Variants in WDR70 observed in about 807,000 individuals in gnomAD.
WDR70 encodes WD repeat-containing protein 70.
In WDR70, 53 loss-of-function variants were observed where a neutral mutation model predicts 88.6. The observed-to-expected ratio is 0.60, with a 90% CI of 0.48 to 0.75. WDR70 has a LOEUF of 0.75. Among genes scored for constraint, WDR70 ranks in the 30% least tolerant of loss-of-function variants. The pLI, the probability that WDR70 is intolerant of heterozygous loss-of-function variation, is 0.00. For synonymous variants in WDR70, 280 were observed against 270.0 expected (o/e 1.04, Z -0.36); for missense variants, 610 against 823.2 (o/e 0.74, Z 3.17).
intron 10 of WDR70, among the ~76,000 whole-genome samples, chr5:37,615,094 T>C (rs987027899): frequency 6.6e-6 from 1 of 151,990 alleles, no homozygotes; most frequent in South Asian, 2.1e-4. Flanking sequence ...CTAGGAGTAT[T>C]AAAATCTCCT....
At chr5:37,438,996 C>T (rs1750569442) in intron 6 of WDR70, among the ~76,000 whole-genome samples, 1 of 151,388 alleles carries the variant, frequency 6.6e-6, no homozygotes, top group African/African-American at 2.4e-5. Flanking sequence ...CGGCTCACTG[C>T]AAGCTCCAAC....
chr5:37,750,759 C>A (rs1286559452), intron 17 of WDR70, among the ~76,000 whole-genome samples: 3 of 152,176 alleles, frequency 2.0e-5, no homozygotes, highest in African/African-American at 7.2e-5. Context: ...TCTCATTTGC[C>A]TTACACCATG....
At chr5:37,522,428 G>A (rs866029955) in intron 9 of WDR70, among the ~76,000 whole-genome samples, 27 of 135,372 alleles carry the variant, frequency 2.0e-4, no homozygotes, top group Non-Finnish European at 3.3e-4. Context: ...CTAAGATCGC[G>A]CCACTGCATT....
At chr5:37,677,914 T>C (rs544594998) in intron 10 of WDR70, among the ~76,000 whole-genome samples, 2 of 152,226 alleles carry the variant, frequency 1.3e-5, no homozygotes, top group African/African-American at 4.8e-5. Flanking sequence ...ATCTGGGTGC[T>C]CCTGTATTGG....
At chr5:37,393,683 T>C (rs529283502) in intron 4 of WDR70, among the ~76,000 whole-genome samples, 1 of 152,230 alleles carries the variant, frequency 6.6e-6, no homozygotes, top group South Asian at 2.1e-4. Flanking sequence ...TTGTTATTGA[T>C]TTTTTAATTT....
In WDR70 at chr5:37,445,307, G is replaced by A. The variant is rs1307165199; in HGVS notation, c.686+1935G>A. Among the ~76,000 whole-genome samples the A allele has an allele frequency of 4.6e-5, 7 of 151,594 alleles. 1 individual carries two copies. The highest frequency in any genetic ancestry group is 1.7e-4 in the African/African-American group (7 of 41,318). On this transcript the variant is annotated intron_variant, in intron 7 of 17. Transcript: ENST00000265107. The stretch of plus-strand genomic sequence containing the variant: ...TTCGTAGAGAGATAGTTTGGTATAT[G>A]TAACTGTCCAGATACTCATCATTCT...
At chr5:37,519,288 C>T (rs1173586392) in intron 9 of WDR70, among the ~76,000 whole-genome samples, 4 of 151,546 alleles carry the variant, frequency 2.6e-5, no homozygotes, top group Non-Finnish European at 5.9e-5. Context: ...GGCAGAGGCA[C>T]TCCTCACATC....
chr5:37,434,845 A>G (rs143693053), intron 5 of WDR70, among the ~76,000 whole-genome samples: 5,156 of 152,300 alleles, frequency 0.034, 136 homozygotes, highest in Admixed American at 0.075. Context: ...ATCGAAGTCA[A>G]ATAGTTTATG....
intron 9 of WDR70, among the ~76,000 whole-genome samples, chr5:37,582,323 T>C (rs749009646): frequency 3.5e-4 from 53 of 152,166 alleles, no homozygotes; most frequent in Non-Finnish European, 6.8e-4. Context: ...AAAACGTGTA[T>C]TGATTACAGC....
At chr5:37,560,276 A>T (rs1328755197) in intron 9 of WDR70, among the ~76,000 whole-genome samples, 1 of 152,114 alleles carries the variant, frequency 6.6e-6, no homozygotes, top group Non-Finnish European at 1.5e-5. Context: ...ATATTTTTCA[A>T]AATCATTACA....
At chr5:37,507,510 C>A (rs1456609032) in intron 8 of WDR70, among the ~76,000 whole-genome samples, 1 of 152,158 alleles carries the variant, frequency 6.6e-6, no homozygotes, top group African/African-American at 2.4e-5. Flanking sequence ...ATCTTCCCCC[C>A]TCCCCTGCAC....
intron 9 of WDR70, among the ~76,000 whole-genome samples, chr5:37,562,593 G>T (rs1000929662): frequency 6.6e-6 from 1 of 152,152 alleles, no homozygotes; most frequent in Non-Finnish European, 1.5e-5. Context: ...GCGGCCTTCC[G>T]GCCTTCCGCA....
At chr5:37,687,508 T>C (rs1297701411) in intron 10 of WDR70, among the ~76,000 whole-genome samples, 3 of 152,288 alleles carry the variant, frequency 2.0e-5, no homozygotes, top group Admixed American at 2.0e-4. Flanking sequence ...TAGCATATAT[T>C]CACTCATTCT....
intron 5 of WDR70, among the ~76,000 whole-genome samples, chr5:37,397,035 A>G (rs28555070): frequency 0.12 from 18,384 of 151,964 alleles, 3,654 homozygotes; most frequent in African/African-American, 0.41. Flanking sequence ...CCAGCTACTC[A>G]GGAGGCTGAG....
chr5:37,643,011 A>G (rs940164129), intron 10 of WDR70, among the ~76,000 whole-genome samples: 1 of 151,952 alleles, frequency 6.6e-6, no homozygotes, highest in Non-Finnish European at 1.5e-5. Flanking sequence ...TCATTTATCT[A>G]TTTTTGCTTT....
intron 8 of WDR70, among the ~76,000 whole-genome samples, chr5:37,480,984 C>T (rs1048900688): frequency 2.6e-5 from 4 of 152,214 alleles, no homozygotes; most frequent in Admixed American, 1.3e-4. Flanking sequence ...GAGCTACAGG[C>T]CCCATGCAAG....
chr5:37,646,091 T>C (rs906244294), intron 10 of WDR70, among the ~76,000 whole-genome samples: 7 of 152,098 alleles, frequency 4.6e-5, no homozygotes, highest in African/African-American at 1.4e-4. Context: ...TCTGGTGATA[T>C]GTTTTAATTT....
At chr5:37,602,346 C>T (rs543387437) in intron 9 of WDR70, among the ~76,000 whole-genome samples, 3 of 151,884 alleles carry the variant, frequency 2.0e-5, no homozygotes, top group Admixed American at 1.3e-4. Context: ...TGGTGGCTCA[C>T]GCCTGTAATC....
At chr5:37,549,152 G>C (rs1742074752) in intron 9 of WDR70, among the ~76,000 whole-genome samples, 1 of 152,100 alleles carries the variant, frequency 6.6e-6, no homozygotes, top group African/African-American at 2.4e-5. Context: ...GTAAATTTTA[G>C]GATAGTTTAT....
Sources: gnomAD v4.1 joint callset for allele counts (sites outside exome capture counted in the v4.1 genomes callset) on GRCh38, gnomAD v4.1.1 for gene constraint, MANE v1.5 for transcripts, NCBI Gene and HGNC (gene_info 2026-07-23, HGNC 2026-07-21) for gene names.